The following AIM2 variants were observed in gnomAD, a reference collection of about 807,000 sequenced individuals.
AIM2 encodes the protein interferon-inducible protein AIM2.
AIM2 carries 30 observed loss-of-function variants against 27.7 expected under a neutral mutation model. The observed-to-expected ratio is 1.08, with a 90% CI of 0.81 to 1.47. The LOEUF (loss-of-function observed/expected upper bound fraction) is 1.47. Ranked by LOEUF, AIM2 falls within the 40% of genes most tolerant of loss-of-function variation. The pLI is 0.00. For missense variants in AIM2, 358 were observed against 411.3 expected (o/e 0.87, Z 1.12); for synonymous variants, 141 against 145.3 (o/e 0.97, Z 0.21).
chr1:159,081,251 T>A (rs550366404), upstream of AIM2: 317 of 188,918 alleles, frequency 1.7e-3, no homozygotes, highest in Non-Finnish European at 2.8e-3. Context: ...TTTGTGTGAA[T>A]AAAATACCTT....
chr1:159,066,235 G>C lies in AIM2; in HGVS notation c.491C>G (p.Pro164Arg), dbSNP rs1161339919. 6.2e-7 allele frequency: 1 copy of C among 1,614,098 alleles called. No homozygotes were observed. The highest frequency in any genetic ancestry group is 8.5e-7 in the Non-Finnish European group (1 of 1,180,014). ...LPVMVLKAKK[P>R]FTFETQEGKQ... ...GCCTTCTTGGGTCTCAAACGTGAAG[G>C]GCTTCTTTGCTTTCAGTACCATAAC... is the stretch of plus-strand genomic sequence containing the variant. The change falls in exon 4 of 6, where the codon CCC becomes CGC. Residue 164 changes from proline (P) to arginine (R), a missense_variant. Coordinates refer to ENST00000368130, the MANE Select transcript of AIM2 (RefSeq NM_004833.3).
downstream of AIM2, among the ~76,000 whole-genome samples, chr1:159,058,745 T>C (rs1269736872): frequency 1.3e-5 from 2 of 152,118 alleles, no homozygotes; most frequent in Non-Finnish European, 2.9e-5. Flanking sequence ...TTATTTCAGC[T>C]AAAGACAGGG....
intron 1 of AIM2, among the ~76,000 whole-genome samples, chr1:159,119,037 C>T (rs1056074996): frequency 3.3e-5 from 5 of 152,114 alleles, no homozygotes; most frequent in Admixed American, 3.3e-4. Context: ...ACATATCTCT[C>T]ACACCAGAAC....
At chr1:159,074,988 A>G (rs1341191136) in intron 1 of AIM2, among the ~76,000 whole-genome samples, 1 of 152,224 alleles carries the variant, frequency 6.6e-6, no homozygotes, top group East Asian at 1.9e-4. Context: ...AAATAAAGAC[A>G]AAAACCTGCA....
At chr1:159,066,493 C>T (rs569629238) in intron 3 of AIM2, among the ~76,000 whole-genome samples, 164 bp from the exon 4 acceptor site, 1 of 152,248 alleles carries the variant, frequency 6.6e-6, no homozygotes, top group African/African-American at 2.4e-5. Context: ...CTAGAACGAT[C>T]CAGATAGAAC....
At chr1:159,136,672 C>G (rs541736592) in intron 1 of AIM2, among the ~76,000 whole-genome samples, 5 of 152,294 alleles carry the variant, frequency 3.3e-5, no homozygotes, top group African/African-American at 1.2e-4. Flanking sequence ...ATATTCTATT[C>G]CATTATAATT....
At chr1:159,070,865 C>T (rs1260221101) in intron 2 of AIM2, among the ~76,000 whole-genome samples, 5 of 152,152 alleles carry the variant, frequency 3.3e-5, no homozygotes, top group East Asian at 1.9e-4. Flanking sequence ...TTCACAGCAT[C>T]GGAGAGAAAA....
intron 1 of AIM2, among the ~76,000 whole-genome samples, chr1:159,136,886 T>C (rs1248743910): frequency 6.6e-6 from 1 of 152,178 alleles, no homozygotes; most frequent in Non-Finnish European, 1.5e-5. Context: ...CTTTTGTAGG[T>C]GGACTGTTAC....
At chr1:159,129,662 C>T (rs764359254) in intron 1 of AIM2, among the ~76,000 whole-genome samples, 5 of 152,178 alleles carry the variant, frequency 3.3e-5, no homozygotes, top group Admixed American at 6.5e-5. Context: ...TAAATGGAAT[C>T]ATGCCCTCAG....
At chr1:159,089,882 C>T (rs1657007247) in intron 1 of AIM2, among the ~76,000 whole-genome samples, 1 of 152,154 alleles carries the variant, frequency 6.6e-6, no homozygotes, top group Non-Finnish European at 1.5e-5. Flanking sequence ...GACCCTAGAC[C>T]CTTCAACCAG....
chr1:159,083,610 C>A (rs899070730), intron 1 of AIM2, among the ~76,000 whole-genome samples: 1 of 152,172 alleles, frequency 6.6e-6, no homozygotes, highest in Non-Finnish European at 1.5e-5. Context: ...TTTAGCTCTA[C>A]TAAATTTTAG....
chr1:159,068,137 G>C (rs555272378), intron 3 of AIM2, among the ~76,000 whole-genome samples: 1 of 152,068 alleles, frequency 6.6e-6, no homozygotes, highest in Non-Finnish European at 1.5e-5. Flanking sequence ...ACAAATCTTG[G>C]GAGCCCTGAA....
At chr1:159,090,499 T>C (rs1303478040) in intron 1 of AIM2, among the ~76,000 whole-genome samples, 1 of 152,232 alleles carries the variant, frequency 6.6e-6, no homozygotes, top group Non-Finnish European at 1.5e-5. Context: ...GTCATTGTAA[T>C]TGTCATCACG....
chr1:159,115,921 G>A lies in AIM2; in HGVS notation c.-16+24510C>T, dbSNP rs538462678. Among the ~76,000 whole-genome samples, 1,147 of 152,114 alleles carry A rather than the reference G, an allele frequency of 7.5e-3. 12 individuals carry two copies. The highest frequency in any genetic ancestry group is 0.026 in the African/African-American group (1,080 of 41,498). On this transcript the variant is annotated intron_variant, in intron 1 of 2. Transcript: ENST00000368129. The stretch of plus-strand genomic sequence containing the variant: ...ACCTACAGAATGGGAGAAAATTTTT[G>A]CAATCTACTCATCTGACAAAGGGCT...
intron 1 of AIM2, among the ~76,000 whole-genome samples, chr1:159,124,405 G>T (rs1195979472): frequency 2.0e-5 from 3 of 152,150 alleles, no homozygotes; most frequent in Admixed American, 2.0e-4. Context: ...CTAAAATATT[G>T]TTCTCTGGCC....
intron 1 of AIM2, among the ~76,000 whole-genome samples, chr1:159,108,179 T>C (rs1657492070): frequency 6.6e-6 from 1 of 151,968 alleles, no homozygotes; most frequent in Non-Finnish European, 1.5e-5. Context: ...ACCAAATCCA[T>C]TAACATATCA....
At chr1:159,121,653 T>A (rs1647537768) in intron 1 of AIM2, among the ~76,000 whole-genome samples, 1 of 152,168 alleles carries the variant, frequency 6.6e-6, no homozygotes, top group Admixed American at 6.5e-5. Context: ...GTGCCAATGT[T>A]ATAGACCAGG....
chr1:159,099,853 A>T (rs1657274111), intron 1 of AIM2, among the ~76,000 whole-genome samples: 1 of 61,416 alleles, frequency 1.6e-5, no homozygotes, highest in Non-Finnish European at 6.9e-5. Flanking sequence ...GCCTCAAATA[A>T]TTCCCCCAAC....
chr1:159,111,831 C>CATCT (rs55915998), intron 1 of AIM2, among the ~76,000 whole-genome samples: 6,634 of 137,556 alleles, frequency 0.048, 147 homozygotes, highest in Middle Eastern at 0.08. Flanking sequence ...ATCTATCTAT[C>CATCT]ATCTATCTAT....
Sources: allele counts gnomAD v4.1 joint callset (sites outside exome capture counted in the v4.1 genomes callset), GRCh38; gene constraint gnomAD v4.1.1; transcripts MANE v1.5; gene names NCBI Gene and HGNC (gene_info 2026-07-23, HGNC 2026-07-21).